Variants in BRCA1 observed in about 807,000 individuals in gnomAD.
The protein encoded by BRCA1 is BRCA1 DNA repair associated.
Under a neutral mutation model 173.7 loss-of-function variants are expected in BRCA1, and 140 were observed. That is an observed-to-expected ratio of 0.81 (90% CI 0.70 to 0.93). The LOEUF is 0.93. Ranked by LOEUF, BRCA1 falls within the 40% of genes least tolerant of loss-of-function variation. BRCA1 has a pLI of 0.00. For synonymous variants in BRCA1, 662 were observed against 756.0 expected (o/e 0.88, Z 2.04); for missense variants, 1,983 against 2,172.5 (o/e 0.91, Z 1.73).
At chr17:43,087,725 C>T (rs559127960) in intron 11 of BRCA1, among the ~76,000 whole-genome samples, 90 of 151,146 alleles carry the variant, frequency 6.0e-4, no homozygotes, top group Admixed American at 1.3e-3. Flanking sequence ...GATTATAATG[C>T]ACAGAATTAT....
intron 18 of BRCA1, among the ~76,000 whole-genome samples, chr17:43,058,734 T>C (rs1388080213): frequency 6.6e-6 from 1 of 152,250 alleles, no homozygotes; most frequent in African/African-American, 2.4e-5. Flanking sequence ...ATAAAGGCTT[T>C]TCAGATTTCC....
rs750275408 is a variant in BRCA1, at chr17:43,104,237, T to C, written c.326A>G (p.Lys109Arg). 6.2e-7 allele frequency: 1 copy of C among 1,612,422 alleles called. No homozygotes were observed. The highest frequency in any genetic ancestry group is 1.1e-5 in the South Asian group (1 of 90,926). ...ATGTTCAGGAGAGTTATTTTCCTTT[T>C]TTGCAAAATTATAGCTGTTTGCATC... is the stretch of plus-strand genomic sequence containing the variant. ...LEYANSYNFA[K>R]KENNSPEHLK... The change falls in exon 6 of 23, where the codon AAA becomes AGA. Residue 109 changes from lysine to arginine, a missense_variant. Transcript: ENST00000357654.
chr17:43,054,917 C>T (rs539882124), intron 19 of BRCA1, among the ~76,000 whole-genome samples: 20 of 151,784 alleles, frequency 1.3e-4, no homozygotes, highest in Non-Finnish European at 2.4e-4. Flanking sequence ...GCCCAGTTAA[C>T]TTTTGTATTT....
At position 43,093,666 on chromosome 17, in the gene BRCA1, G is replaced by T. The variant is rs56039126; in HGVS notation, c.1865C>A (p.Ala622Glu). The T allele has an allele frequency of 6.2e-7, 1 of 1,614,000 alleles. No homozygotes were observed. The highest frequency in any genetic ancestry group is 2.2e-5 in the East Asian group (1 of 44,874). Residue 622 changes from alanine to glutamate, a missense_variant, in exon 10 of 23, where the codon GCG (alanine) becomes GAG (glutamate). By Grantham distance (107) the Ala-to-Glu change is moderately radical (BLOSUM62 -1). Transcript: ENST00000357654. ...ATTTCTACTGACTACTAGTTCAAGC[G>T]CATGAATATGCCTGGTAGAAGACTT... ...RRKSSTRHIH[A>E]LELVVSRNLS...
Position 43,092,656 on chromosome 17 carries a change from T to C in BRCA1, c.2875A>G (p.Arg959Gly), listed in dbSNP as rs1401324575. The C allele has an allele frequency of 6.2e-7, 1 of 1,614,112 alleles. No homozygotes were observed. The highest frequency in any genetic ancestry group is 1.1e-5 in the South Asian group (1 of 91,080). The part of the protein sequence containing the change: ...GSRFCLSSQF[R>G]GNETGLITPN... ...GTAATGAGTCCAGTTTCGTTGCCTC[T>C]GAACTGAGATGATAGACAAAACCTA... The change falls in exon 10 of 23, where the codon AGA becomes GGA. Residue 959 changes from arginine to glycine, a missense_variant. Coordinates refer to ENST00000357654, the MANE Select transcript of BRCA1 (RefSeq NM_007294.4).
intron 1 of BRCA1, among the ~76,000 whole-genome samples, chr17:43,168,429 G>A (rs1368367497): frequency 6.6e-6 from 1 of 152,194 alleles, no homozygotes; most frequent in Non-Finnish European, 1.5e-5. Context: ...CCTGAGGTCG[G>A]GAGTTCAAGA....
At chr17:43,072,346 G>A (rs1409785806) in intron 14 of BRCA1, among the ~76,000 whole-genome samples, 3 of 151,748 alleles carry the variant, frequency 2.0e-5, no homozygotes, top group Admixed American at 6.5e-5. Context: ...CCGAGATTGC[G>A]CCATTGCACT....
At chr17:43,136,525 A>T (rs184655561) in intron 1 of BRCA1, among the ~76,000 whole-genome samples, 1 of 152,352 alleles carries the variant, frequency 6.6e-6, no homozygotes. Flanking sequence ...AAATTTTTAC[A>T]ATCTACCCAT....
intron 6 of BRCA1, among the ~76,000 whole-genome samples, chr17:43,100,673 T>TA (rs2054410078): frequency 3.1e-4 from 5 of 16,336 alleles, no homozygotes; most frequent in Admixed American, 1.1e-3. Context: ...TATATATATA[T>TA]ATATAATATA....
rs1567762226 is a variant in BRCA1, at chr17:43,053,623, C to T, written c.5278-2506G>A. Reference sequence around the variant, plus strand: ...TGGAGCTGGTAGTGAGCCGAGACGGCGCCACTGCACTCCAGCCTGGGTGAC... The same window carrying T: ...TGGAGCTGGTAGTGAGCCGAGACGGTGCCACTGCACTCCAGCCTGGGTGAC... On this transcript the variant is annotated intron_variant, in intron 19 of 22. Coordinates refer to ENST00000357654, the MANE Select transcript of BRCA1 (RefSeq NM_007294.4). 2.6e-5 allele frequency among the ~76,000 whole-genome samples: 4 copies of T among 151,082 alleles called. No homozygotes were observed. The South Asian group carries it at 6.3e-4, about 24-fold the overall frequency.
rs117089582 is a variant in BRCA1, at chr17:43,078,027, G to A, written c.4358-1413C>T. Among the ~76,000 whole-genome samples, 2,487 of 151,440 alleles carry A rather than the reference G, an allele frequency of 0.016. 26 individuals carry two copies. The highest frequency in any genetic ancestry group is 0.024 in the Non-Finnish European group (1,663 of 67,918). On this transcript the variant is annotated intron_variant, in intron 12 of 22. Coordinates refer to ENST00000357654, the MANE Select transcript of BRCA1 (RefSeq NM_007294.4). Reference sequence around the variant, plus strand: ...TGGGATTACAGGCGTGAGCCACTGCGCCCGACCGTTATTTTTCAACGAGAT... The same window carrying A: ...TGGGATTACAGGCGTGAGCCACTGCACCCGACCGTTATTTTTCAACGAGAT...
intron 7 of BRCA1, among the ~76,000 whole-genome samples, chr17:43,098,773 G>A (rs1022162025): frequency 2.0e-5 from 3 of 150,842 alleles, no homozygotes; most frequent in East Asian, 1.9e-4. Flanking sequence ...CTTCCAAAGC[G>A]TTAGGATTAC....
At chr17:43,052,811 ACACACACACACACT>A (rs1372215982) in intron 19 of BRCA1, among the ~76,000 whole-genome samples, 38 of 123,416 alleles carry the variant, frequency 3.1e-4, no homozygotes, top group Middle Eastern at 3.8e-3. Flanking sequence ...ACACACACAC[ACACACACACACACT>A]CTCTTACTTT....
At chr17:43,131,380 A>AAATAAT in intron 1 of BRCA1, 1 of 339,846 alleles carries the variant, frequency 2.9e-6, no homozygotes, top group Non-Finnish European at 6.5e-6. Context: ...TTGTGTCTCA[A>AAATAAT]AATAATAATA....
intron 12 of BRCA1, 56 bp downstream of exon 12, chr17:43,082,348 A>G: frequency 6.4e-7 from 1 of 1,562,188 alleles, no homozygotes; most frequent in Non-Finnish European, 8.8e-7. Flanking sequence ...AGAAGGAGAT[A>G]AAGGGGAAGG....
intron 7 of BRCA1, among the ~76,000 whole-genome samples, chr17:43,097,655 C>G (rs1322469340): frequency 1.3e-5 from 2 of 152,150 alleles, no homozygotes; most frequent in African/African-American, 4.8e-5. Flanking sequence ...AGGTTTGAAT[C>G]ATGGCTCAGC....
intron 21 of BRCA1, among the ~76,000 whole-genome samples, chr17:43,048,045 C>A (rs372740159): frequency 6.6e-6 from 1 of 152,160 alleles, no homozygotes; most frequent in Admixed American, 6.5e-5. Context: ...AGCCACCGCA[C>A]CCAGCCTTGG....
At chr17:43,155,686 C>T (rs7501753) in intron 1 of BRCA1, among the ~76,000 whole-genome samples, 45,437 of 151,708 alleles carry the variant, frequency 0.3, 7,312 homozygotes, top group South Asian at 0.49. Context: ...GCGCATGCTG[C>T]CATGCCTGGC....
rs1187467764 is a variant in BRCA1 at position 43,045,518 on chromosome 17, T to C, written c.*160A>G. On this transcript the variant is annotated 3_prime_UTR_variant, in exon 23 of 23. Transcript: ENST00000357654. ...AAGCAGAAAATCTTTAAGGGACCCT[T>C]GCATAGCCAGAAGTCCTTTTCAGGC... The C allele has an allele frequency of 6.1e-6, 7 of 1,151,854 alleles. No individual in the cohort carries two copies. The highest frequency in any genetic ancestry group is 8.9e-6 in the Non-Finnish European group (7 of 786,250). 71.4% of individuals were successfully genotyped at this position (1,151,854 alleles called of 1,614,324 possible).
Sources: allele counts gnomAD v4.1 joint callset (sites outside exome capture counted in the v4.1 genomes callset), GRCh38; gene constraint gnomAD v4.1.1; transcripts MANE v1.5; gene names NCBI Gene and HGNC (gene_info 2026-07-23, HGNC 2026-07-21).